The following SHB variants were observed in gnomAD, a reference collection of about 807,000 sequenced individuals.
The protein encoded by SHB is SH2 domain-containing adapter protein B.
In SHB, 20 loss-of-function variants were observed where a neutral mutation model predicts 52.3. The observed-to-expected ratio is 0.38, with a 90% confidence interval of 0.27 to 0.56. SHB has a LOEUF of 0.56. Among genes scored for constraint, SHB ranks in the 20% least tolerant of loss-of-function variants. The pLI is 0.71. For synonymous variants in SHB, 397 were observed against 316.5 expected (o/e 1.25, Z -2.70); for missense variants, 825 against 723.3 (o/e 1.14, Z -1.61).
rs188579718 is a variant in SHB, at chr9:37,921,883, T to C, written c.1347-1879A>G. On this transcript the variant is annotated intron_variant, in intron 5 of 5. Transcript: ENST00000377707. ...AAGTAATGCGCTGAAACTGTGTGGCTGAGAAAACAGCAGAAGAGTTAAAAA... is the reference window on the plus strand; with the variant it reads ...AAGTAATGCGCTGAAACTGTGTGGCCGAGAAAACAGCAGAAGAGTTAAAAA... Among the ~76,000 whole-genome samples the C allele has an allele frequency of 1.5e-3, 227 of 152,304 alleles. 5 individuals carry two copies. The East Asian group carries it at 0.036, about 24-fold the overall frequency.
intron 1 of SHB, 23 bp downstream of exon 1, chr9:38,067,906 G>C (rs896024541): frequency 2.1e-6 from 3 of 1,450,402 alleles, no homozygotes; most frequent in Non-Finnish European, 2.7e-6. Context: ...GGAACCTCGG[G>C]AAGAGGCCAA....
chr9:37,960,714 C>T (rs377084508), intron 3 of SHB, among the ~76,000 whole-genome samples: 1 of 152,180 alleles, frequency 6.6e-6, no homozygotes, highest in East Asian at 1.9e-4. Context: ...ACAGATTTTA[C>T]ACCAATCAGT....
At chr9:37,921,103 T>C (rs539715269) in intron 5 of SHB, among the ~76,000 whole-genome samples, 22 of 152,340 alleles carry the variant, frequency 1.4e-4, no homozygotes, top group Admixed American at 2.6e-4. Flanking sequence ...TCCACGCCTT[T>C]TATGATTCTA....
intron 3 of SHB, among the ~76,000 whole-genome samples, chr9:37,966,099 A>C (rs1398581844): frequency 3.3e-5 from 5 of 152,176 alleles, no homozygotes; most frequent in African/African-American, 1.2e-4. Context: ...ACAGCCTCCC[A>C]AAGTGCTGGG....
In SHB at chr9:37,955,934, C is replaced by T. The variant is rs1832626147; in HGVS notation, c.1175G>A (p.Cys392Tyr). 2 of 1,613,650 alleles carry T rather than the reference C, an allele frequency of 1.2e-6. No individual in the cohort carries two copies. The highest frequency in any genetic ancestry group is 2.2e-5 in the East Asian group (1 of 44,868). The stretch of plus-strand genomic sequence containing the variant: ...ATCCACCCTTTCTCCTAGGATCCCG[C>T]AGAACTCAGGGCTCCCATGTTTGAT... ...KPIKHGSPEF[C>Y]GILGERVDPA... The change falls in exon 4 of 6, where the codon TGC (cysteine) becomes TAC (tyrosine). Residue 392 changes from cysteine (C) to tyrosine (Y), a missense_variant. Cys to Tyr is a radical substitution (Grantham distance 194). Coordinates refer to ENST00000377707, the MANE Select transcript of SHB (RefSeq NM_003028.3).
chr9:37,937,676 T>C (rs1194279796), intron 5 of SHB, among the ~76,000 whole-genome samples: 1 of 152,248 alleles, frequency 6.6e-6, no homozygotes, highest in African/African-American at 2.4e-5. Flanking sequence ...GCCCTAGCAT[T>C]TGAACTGCGG....
intron 1 of SHB, among the ~76,000 whole-genome samples, chr9:38,022,064 A>G (rs535760679): frequency 1.4e-4 from 22 of 152,344 alleles, no homozygotes; most frequent in Non-Finnish European, 2.9e-4. Flanking sequence ...AATGTTCTCA[A>G]TGCTCCCAGT....
In SHB at chr9:38,057,217, T is replaced by TTAAA. The variant is rs2118180648; in HGVS notation, c.717+10708_717+10711dup. Among the ~76,000 whole-genome samples, 4 of 152,326 alleles carry TTAAA rather than the reference T, an allele frequency of 2.6e-5. No individual in the cohort carries two copies. The East Asian group carries it at 7.7e-4, about 29-fold the overall frequency. ...CAATGCAGCTATTAAATTACAGTTG[T>TTAAA]TAAATATTTAAGATATTGTAGACAT... On this transcript the variant is annotated intron_variant, in intron 1 of 5. Transcript: ENST00000377707.
chr9:38,062,224 C>T (rs1313669447), intron 1 of SHB, among the ~76,000 whole-genome samples: 2 of 152,212 alleles, frequency 1.3e-5, no homozygotes, highest in Non-Finnish European at 2.9e-5. Flanking sequence ...CAAGACTGCA[C>T]TGGTGTGATC....
chr9:37,988,399 A>G (rs1159987978), intron 2 of SHB, among the ~76,000 whole-genome samples: 1 of 152,102 alleles, frequency 6.6e-6, no homozygotes, highest in Admixed American at 6.5e-5. Context: ...TGCTTCTACA[A>G]AGAGTGGATA....
chr9:38,025,514 GA>G (rs1320986514), intron 1 of SHB, among the ~76,000 whole-genome samples: 1 of 152,236 alleles, frequency 6.6e-6, no homozygotes, highest in Non-Finnish European at 1.5e-5. Flanking sequence ...GTAAGAGCAA[GA>G]TTTTCTTCTC....
chr9:37,957,674 A>C (rs1487690342), intron 3 of SHB, among the ~76,000 whole-genome samples: 1 of 152,234 alleles, frequency 6.6e-6, no homozygotes, highest in Admixed American at 6.5e-5. Context: ...AGGCTGGGAA[A>C]ATAGTGATGG....
chr9:38,063,996 A>G (rs1222475634), intron 1 of SHB, among the ~76,000 whole-genome samples: 1 of 152,164 alleles, frequency 6.6e-6, no homozygotes, highest in African/African-American at 2.4e-5. Flanking sequence ...TAATTATAAT[A>G]AAAGAAACAA....
chr9:37,993,249 T>C (rs568401224), intron 2 of SHB, among the ~76,000 whole-genome samples: 1 of 152,268 alleles, frequency 6.6e-6, no homozygotes, highest in Admixed American at 6.5e-5. Flanking sequence ...TGGGAACGGA[T>C]GCCTACTTGA....
At chr9:37,978,689 A>G (rs1264742061) in intron 2 of SHB, among the ~76,000 whole-genome samples, 3 of 152,220 alleles carry the variant, frequency 2.0e-5, no homozygotes, top group African/African-American at 4.8e-5. Context: ...GATTTGGCCT[A>G]TATCTACACT....
At chr9:37,963,449 G>A (rs1241111978) in intron 3 of SHB, among the ~76,000 whole-genome samples, 1 of 152,204 alleles carries the variant, frequency 6.6e-6, no homozygotes, top group Non-Finnish European at 1.5e-5. Context: ...ATGAACATGG[G>A]CCACATTTGT....
chr9:37,998,169 CGAT>C (rs1820972630), intron 2 of SHB, among the ~76,000 whole-genome samples: 1 of 150,322 alleles, frequency 6.7e-6, no homozygotes, highest in Non-Finnish European at 1.5e-5. Context: ...CTCTGAGTTA[CGAT>C]TCCAAGGCAC....
chr9:38,001,309 G>A (rs1286582781), intron 2 of SHB, among the ~76,000 whole-genome samples: 3 of 152,302 alleles, frequency 2.0e-5, no homozygotes, highest in Middle Eastern at 3.4e-3. Flanking sequence ...CTTACAAAGG[G>A]AGACGGAACC....
chr9:38,041,875 A>T (rs1279328401), intron 1 of SHB, among the ~76,000 whole-genome samples: 5 of 152,092 alleles, frequency 3.3e-5, no homozygotes, highest in Admixed American at 3.3e-4. Context: ...TCTCAAACAT[A>T]CTTTTTAAAT....
Sources: gnomAD v4.1 joint callset for allele counts (sites outside exome capture counted in the v4.1 genomes callset) on GRCh38, gnomAD v4.1.1 for gene constraint, MANE v1.5 for transcripts, NCBI Gene and HGNC (gene_info 2026-07-23, HGNC 2026-07-21) for gene names.